The following CEP112 variants were observed in gnomAD, a reference collection of about 807,000 sequenced individuals.
The protein encoded by CEP112 is centrosomal protein 112.
A neutral mutation model predicts 153.0 loss-of-function variants in CEP112; 127 were observed. The ratio of observed to expected loss-of-function variants is 0.83; its 90% confidence interval spans 0.72 to 0.96. The LOEUF is 0.96. Ranked by LOEUF, CEP112 falls within the 40% of genes least tolerant of loss-of-function variation. The pLI, the probability that CEP112 is intolerant of heterozygous loss-of-function variation, is 0.00. For synonymous variants in CEP112, 358 were observed against 374.4 expected, an observed-to-expected ratio of 0.96 and a Z score of 0.51; for missense variants, 1,089 against 1,101.2, an observed-to-expected ratio of 0.99 and a Z score of 0.16.
chr17:65,995,200 C>T (rs2145307583), intron 17 of CEP112, among the ~76,000 whole-genome samples: 1 of 151,978 alleles, frequency 6.6e-6, no homozygotes, highest in South Asian at 2.1e-4. Flanking sequence ...AGTTTTATTC[C>T]CCATTCCTCT....
Position 65,773,981 on chromosome 17 carries a change from G to A in CEP112, c.2395-23257C>T, listed in dbSNP as rs943327644. Among the ~76,000 whole-genome samples, 35 of 151,986 alleles carry A rather than the reference G, an allele frequency of 2.3e-4. 1 individual carries two copies. The highest frequency in any genetic ancestry group is 6.3e-4 in the South Asian group (3 of 4,796). On this transcript the variant is annotated intron_variant, in intron 21 of 26. Transcript: ENST00000535342. ...ACACGCCTGTAATCCCAGCTACTTG[G>A]GAGCCTGAGGCAGGAGAATCACTTG...
At chr17:66,126,509 G>A (rs1323172416) in intron 6 of CEP112, among the ~76,000 whole-genome samples, 3 of 151,902 alleles carry the variant, frequency 2.0e-5, no homozygotes, top group African/African-American at 7.3e-5. Context: ...TTCAGCTTGT[G>A]ACTTAGAGAG....
intron 21 of CEP112, among the ~76,000 whole-genome samples, chr17:65,797,545 A>T (rs2055010712): frequency 6.6e-6 from 1 of 152,202 alleles, no homozygotes; most frequent in Non-Finnish European, 1.5e-5. Context: ...ATTTTCCTTC[A>T]TCAAAATGTC....
At chr17:65,736,602 G>C (rs950236138) in intron 23 of CEP112, among the ~76,000 whole-genome samples, 4 of 152,128 alleles carry the variant, frequency 2.6e-5, no homozygotes, top group African/African-American at 7.2e-5. Context: ...AGAGGAGATG[G>C]GAACAAGAAT....
At position 65,644,168 on chromosome 17, in the gene CEP112, C is replaced by T. The variant is rs2045306203; in HGVS notation, c.2698-3103G>A. On this transcript the variant is annotated intron_variant, in intron 24 of 26. Coordinates refer to ENST00000535342, the MANE Select transcript of CEP112 (RefSeq NM_001199165.4). ...CAGCCTTCACGAACAATTCAACTTG[C>T]AGTTGTTCTTCAGCTATGGTTGCGT... The T allele has an allele frequency of 2.1e-5, 18 of 841,162 alleles. 1 individual carries two copies. The highest frequency in any genetic ancestry group is 3.2e-5 in the Non-Finnish European group (16 of 496,478). 52.1% of individuals were successfully genotyped at this position (841,162 alleles called of 1,614,324 possible).
At chr17:65,980,370 G>A (rs758433229) in intron 17 of CEP112, among the ~76,000 whole-genome samples, 4 of 152,048 alleles carry the variant, frequency 2.6e-5, no homozygotes, top group Non-Finnish European at 5.9e-5. Flanking sequence ...AATTCAATGA[G>A]GAAATAAACA....
chr17:65,750,201 G>A (rs1022158553), intron 22 of CEP112, among the ~76,000 whole-genome samples: 5 of 152,214 alleles, frequency 3.3e-5, no homozygotes, highest in African/African-American at 1.2e-4. Flanking sequence ...AGAGTCAACA[G>A]TTGAGCCGCA....
At chr17:65,680,226 G>A (rs2047448482) in intron 24 of CEP112, among the ~76,000 whole-genome samples, 1 of 152,176 alleles carries the variant, frequency 6.6e-6, no homozygotes, top group Non-Finnish European at 1.5e-5. Context: ...GCCCAGAGAA[G>A]CCATGAATGA....
chr17:66,081,614 C>CAA (rs11421559), intron 8 of CEP112, among the ~76,000 whole-genome samples: 159 of 138,968 alleles, frequency 1.1e-3, no homozygotes, highest in East Asian at 3.5e-3. Flanking sequence ...GACTCACAGA[C>CAA]AAAAAAAAAA....
intron 19 of CEP112, among the ~76,000 whole-genome samples, chr17:65,918,708 T>G (rs1350415696): frequency 6.6e-6 from 1 of 152,196 alleles, no homozygotes; most frequent in Non-Finnish European, 1.5e-5. Context: ...AATTGTCTTT[T>G]TGTTCCAATG....
rs559707883 is a variant in CEP112 at position 66,075,120 on chromosome 17, A to G, written c.769-5119T>C. Reference sequence around the variant, plus strand: ...TCTGAAATGAAGGAAAGTACTAGAAATAGTATGTGAGCAGAGATACATAAA... The same window carrying G: ...TCTGAAATGAAGGAAAGTACTAGAAGTAGTATGTGAGCAGAGATACATAAA... On this transcript the variant is annotated intron_variant, in intron 8 of 26. Transcript: ENST00000535342. 3.3e-5 allele frequency among the ~76,000 whole-genome samples: 5 copies of G among 152,234 alleles called. No homozygotes were observed. In the South Asian group the frequency reaches 1.0e-3, roughly 32 times the overall value.
At chr17:65,973,046 G>A (rs1330788007) in intron 17 of CEP112, among the ~76,000 whole-genome samples, 5 of 152,224 alleles carry the variant, frequency 3.3e-5, no homozygotes, top group South Asian at 2.1e-4. Context: ...AATTACAGGC[G>A]TAAGCCACTG....
At chr17:66,094,700 G>C (rs768329773) in intron 8 of CEP112, among the ~76,000 whole-genome samples, 5 of 152,046 alleles carry the variant, frequency 3.3e-5, no homozygotes, top group Non-Finnish European at 7.4e-5. Flanking sequence ...ACAATCAACA[G>C]AGTAAAAAGA....
chr17:66,143,750 TC>T (rs1184240485), intron 4 of CEP112, among the ~76,000 whole-genome samples: 1 of 152,170 alleles, frequency 6.6e-6, no homozygotes, highest in Non-Finnish European at 1.5e-5. Flanking sequence ...GCAAATTATT[TC>T]TTGTGGTAAC....
rs566285272 is a variant in CEP112, at chr17:65,902,479, C to T, written c.1981-145G>A. 1.1e-5 allele frequency: 6 copies of T among 545,132 alleles called. No homozygotes were observed. In the South Asian group the frequency reaches 2.3e-4, roughly 21 times the overall value. The allele number at this position is 545,132 out of a possible 1,614,324, so 33.8% of individuals were successfully genotyped here. A position where few individuals can be genotyped will look rare whatever the true frequency, so the allele number is the denominator to read the frequency against. ...TATTACCTCACCCTCGAAATACTCT[C>T]ATTTGTTGGGGTGGTGGTTATGCAA... is the stretch of plus-strand genomic sequence containing the variant. On this transcript the variant is annotated intron_variant, in intron 19 of 26. Coordinates refer to ENST00000535342, the MANE Select transcript of CEP112 (RefSeq NM_001199165.4).
intron 21 of CEP112, among the ~76,000 whole-genome samples, chr17:65,773,905 C>T (rs1223262946): frequency 6.6e-6 from 1 of 151,816 alleles, no homozygotes. Context: ...GCTAACATGG[C>T]AAAACCCTGT....
intron 12 of CEP112, among the ~76,000 whole-genome samples, chr17:66,044,219 T>C: frequency 6.6e-6 from 1 of 152,064 alleles, no homozygotes; most frequent in Non-Finnish European, 1.5e-5. Flanking sequence ...CTCTCAATAT[T>C]ATTTAATAAA....
intron 18 of CEP112, among the ~76,000 whole-genome samples, chr17:65,945,259 A>T (rs2061615989): frequency 6.6e-6 from 1 of 152,202 alleles, no homozygotes; most frequent in Non-Finnish European, 1.5e-5. Flanking sequence ...GTGTGACTAG[A>T]CCACAGTTTA....
Position 65,868,044 on chromosome 17 carries a change from A to C in CEP112, c.2164-16010T>G, listed in dbSNP as rs182176690. Among the ~76,000 whole-genome samples the C allele has an allele frequency of 7.9e-5, 12 of 151,864 alleles. 1 individual carries two copies. Among genetic ancestry groups the C allele is most frequent in the East Asian group, 5.8e-4 (3 of 5,192 alleles). ...TGAGTTTATATTATATGTATTAATA[A>C]ATTTTTTAAATTAAAATATAAAGAA... On this transcript the variant is annotated intron_variant, in intron 20 of 26. Coordinates refer to ENST00000535342, the MANE Select transcript of CEP112 (RefSeq NM_001199165.4).
Sources: gnomAD v4.1 joint callset for allele counts (sites outside exome capture counted in the v4.1 genomes callset) on GRCh38, gnomAD v4.1.1 for gene constraint, MANE v1.5 for transcripts, NCBI Gene and HGNC (gene_info 2026-07-23, HGNC 2026-07-21) for gene names.